The following RABEP1 variants were observed in gnomAD, a reference collection of about 807,000 sequenced individuals.
RABEP1 encodes rabaptin, RAB GTPase binding effector protein 1.
RABEP1 carries 51 observed loss-of-function variants against 123.4 expected under a neutral mutation model. The ratio of observed to expected loss-of-function variants is 0.41; its 90% CI spans 0.33 to 0.52. RABEP1 has a LOEUF of 0.52. Ranked by LOEUF, RABEP1 falls within the 20% of genes least tolerant of loss-of-function variation. The pLI, the probability that RABEP1 is intolerant of heterozygous loss-of-function variation, is 0.16. For synonymous variants in RABEP1, 347 were observed against 355.2 expected, an observed-to-expected ratio of 0.98 and a Z score of 0.26; for missense variants, 888 against 996.3, an observed-to-expected ratio of 0.89 and a Z score of 1.46.
chr17:5,359,566 G>A (rs992385015), intron 8 of RABEP1, among the ~76,000 whole-genome samples: 5 of 151,964 alleles, frequency 3.3e-5, no homozygotes, highest in Non-Finnish European at 7.4e-5. Flanking sequence ...TAATATATAC[G>A]AGATTTGTGT....
rs1910266535 is a variant in RABEP1 at position 5,368,450 on chromosome 17, G to A, written c.1866G>A (p.Arg622=). The A allele has an allele frequency of 2.5e-6, 4 of 1,612,176 alleles. No individual in the cohort carries two copies. The highest frequency in any genetic ancestry group is 1.1e-5 in the South Asian group (1 of 90,984). ...ELQQGLSQAK[R]DVQEQMAVLM... The stretch of plus-strand genomic sequence containing the variant: ...AGCAGGGGCTTTCCCAGGCAAAGAG[G>A]GATGTTCAGGAACAGATGGTAAGTT... Residue 622 remains arginine (R), a synonymous_variant, in exon 12 of 18, where the codon AGG becomes AGA. Transcript: ENST00000537505.
rs55736303 is a variant in RABEP1, at chr17:5,373,693, AACACACACACACACAC to A, written c.2025+268_2025+283del. Among the ~76,000 whole-genome samples, 666 of 135,324 alleles carry A rather than the reference AACACACACACACACAC, an allele frequency of 4.9e-3. 5 individuals carry two copies. Among genetic ancestry groups the A allele is most frequent in the African/African-American group, 0.014 (506 of 36,900 alleles). 88.8% of individuals were successfully genotyped at this position (135,324 alleles called of 152,430 possible). On this transcript the variant is annotated intron_variant, in intron 13 of 17. Coordinates refer to ENST00000537505, the MANE Select transcript of RABEP1 (RefSeq NM_004703.6). ...CCCTGTGACCCGACTACACCAGCTAAACACACACACACACACACACACACACACACACACACACACA... is the reference window on the plus strand; with the variant it reads ...CCCTGTGACCCGACTACACCAGCTAAACACACACACACACACACACACACA...
chr17:5,353,257 A>G (rs1452575280), intron 7 of RABEP1, among the ~76,000 whole-genome samples: 1 of 152,124 alleles, frequency 6.6e-6, no homozygotes, highest in Non-Finnish European at 1.5e-5. Flanking sequence ...GTCTCTTCTC[A>G]TGCAACTGGC....
intron 8 of RABEP1, among the ~76,000 whole-genome samples, chr17:5,357,109 C>G (rs530373153): frequency 8.5e-5 from 13 of 152,250 alleles, no homozygotes; most frequent in Middle Eastern, 3.4e-3. Context: ...AACTCCTGAT[C>G]TCGTGATCCA....
At chr17:5,339,485 C>T (rs9892941) in intron 5 of RABEP1, among the ~76,000 whole-genome samples, 5 of 151,950 alleles carry the variant, frequency 3.3e-5, no homozygotes, top group African/African-American at 1.2e-4. Context: ...CTCCAGTCTA[C>T]GTGATAGAGT....
chr17:5,335,462 T>C, intron 4 of RABEP1, 118 bp downstream of exon 4: 1 of 897,872 alleles, frequency 1.1e-6, no homozygotes, highest in Admixed American at 2.6e-5. Flanking sequence ...GAATAATTAT[T>C]TGGACACAGA....
At chr17:5,286,424 G>A (rs1442588510) in intron 1 of RABEP1, among the ~76,000 whole-genome samples, 1 of 152,104 alleles carries the variant, frequency 6.6e-6, no homozygotes, top group East Asian at 1.9e-4. Context: ...AACCCGGGAG[G>A]TGGAGTGAGC....
rs188859467 is a variant in RABEP1, at chr17:5,337,634, A to C, written c.529-385A>C. ...TGTGAACCTGGGAGGTGGAGCTTGC[A>C]GTGAGCGGAGATCGTGGCACTGCAC... is the stretch of plus-strand genomic sequence containing the variant. On this transcript the variant is annotated intron_variant, in intron 4 of 17. Coordinates refer to ENST00000537505, the MANE Select transcript of RABEP1 (RefSeq NM_004703.6). Among the ~76,000 whole-genome samples the C allele has an allele frequency of 1.3e-3, 200 of 152,272 alleles. 1 individual carries two copies. The highest frequency in any genetic ancestry group is 4.5e-3 in the African/African-American group (189 of 41,552).
At chr17:5,316,832 C>CAAAAAAAAAA (rs55890740) in intron 2 of RABEP1, among the ~76,000 whole-genome samples, 1 of 67,172 alleles carries the variant, frequency 1.5e-5, no homozygotes, top group Non-Finnish European at 2.6e-5. Flanking sequence ...GACTCTGTCT[C>CAAAAAAAAAA]AAAAAAAAAA....
At chr17:5,339,535 TG>T (rs776628822) in intron 5 of RABEP1, among the ~76,000 whole-genome samples, 47 of 151,988 alleles carry the variant, frequency 3.1e-4, no homozygotes, top group Non-Finnish European at 6.2e-4. Flanking sequence ...CGGTGGCTCA[TG>T]CCTATAATCC....
chr17:5,291,984 G>A (rs1049377305), intron 1 of RABEP1, among the ~76,000 whole-genome samples: 4 of 152,132 alleles, frequency 2.6e-5, no homozygotes, highest in Non-Finnish European at 5.9e-5. Context: ...GTAAATTCTC[G>A]CTATTAATAA....
chr17:5,347,432 A>G (rs935501615), intron 6 of RABEP1, among the ~76,000 whole-genome samples: 14 of 151,832 alleles, frequency 9.2e-5, no homozygotes, highest in Admixed American at 2.6e-4. Context: ...CAAACAAACA[A>G]ACAAACAAAC....
chr17:5,375,299 TC>T, intron 13 of RABEP1, among the ~76,000 whole-genome samples: 1 of 152,278 alleles, frequency 6.6e-6, no homozygotes, highest in East Asian at 1.9e-4. Flanking sequence ...CTTTGCTGTC[TC>T]CCACCTTTCC....
chr17:5,350,185 C>T (rs1908404319), intron 6 of RABEP1, among the ~76,000 whole-genome samples: 1 of 152,110 alleles, frequency 6.6e-6, no homozygotes, highest in Non-Finnish European at 1.5e-5. Flanking sequence ...TCGAGACCAT[C>T]CTGGCTAACA....
intron 1 of RABEP1, among the ~76,000 whole-genome samples, chr17:5,290,604 A>T (rs1215487244): frequency 5.9e-5 from 9 of 152,016 alleles, no homozygotes; most frequent in African/African-American, 2.2e-4. Context: ...ATTTATTATT[A>T]TTTTTTGAGA....
chr17:5,305,496 C>A (rs2075171906), intron 1 of RABEP1, among the ~76,000 whole-genome samples: 2 of 152,108 alleles, frequency 1.3e-5, no homozygotes, highest in African/African-American at 2.4e-5. Context: ...TCATTTGCCT[C>A]ATTTCCTAAT....
chr17:5,378,065 C>T, intron 14 of RABEP1, 112 bp from the exon 15 acceptor site: 3 of 754,490 alleles, frequency 4.0e-6, no homozygotes, highest in South Asian at 3.8e-5. Flanking sequence ...CCCCGGAACC[C>T]ATGTTCAGCA....
intron 5 of RABEP1, among the ~76,000 whole-genome samples, chr17:5,345,410 A>C (rs1429342348): frequency 6.6e-6 from 1 of 152,220 alleles, no homozygotes; most frequent in Non-Finnish European, 1.5e-5. Flanking sequence ...TATGGAACTC[A>C]AAGTAATTCA....
intron 7 of RABEP1, among the ~76,000 whole-genome samples, chr17:5,353,673 C>A (rs1027583450): frequency 6.6e-6 from 1 of 151,934 alleles, no homozygotes; most frequent in Non-Finnish European, 1.5e-5. Context: ...CAGCGTGAGA[C>A]CCCATCTATG....
Sources: gnomAD v4.1 joint callset for allele counts (sites outside exome capture counted in the v4.1 genomes callset) on GRCh38, gnomAD v4.1.1 for gene constraint, MANE v1.5 for transcripts, NCBI Gene and HGNC (gene_info 2026-07-23, HGNC 2026-07-21) for gene names.